SORCS2: variants seen among roughly 807,000 people sequenced by gnomAD.
SORCS2 encodes the protein sortilin related VPS10 domain containing receptor 2, also known as VPS10 domain-containing receptor SorCS2.
Under a neutral mutation model 141.6 loss-of-function variants are expected in SORCS2, and 100 were observed. The observed-to-expected ratio is 0.71, with a 90% CI of 0.60 to 0.83. The LOEUF is 0.83. SORCS2 is among the 40% of genes least tolerant of loss of function. The pLI, the probability that SORCS2 is intolerant of heterozygous loss-of-function variation, is 0.00. For missense variants in SORCS2, 1,646 were observed against 1,560.2 expected (o/e 1.05, Z -0.93); for synonymous variants, 789 against 676.9 (o/e 1.17, Z -2.57).
At chr4:7,538,620 A>T (rs998572738) in intron 3 of SORCS2, among the ~76,000 whole-genome samples, 4 of 144,810 alleles carry the variant, frequency 2.8e-5, no homozygotes, top group Admixed American at 6.7e-5. Flanking sequence ...CATTTTCACC[A>T]AAAAATCTTT....
intron 2 of SORCS2, among the ~76,000 whole-genome samples, chr4:7,443,714 A>G (rs1324125295): frequency 6.6e-6 from 1 of 152,198 alleles, no homozygotes; most frequent in African/African-American, 2.4e-5. Context: ...AGAGTCAGAA[A>G]CCTTCTTTCC....
intron 1 of SORCS2, among the ~76,000 whole-genome samples, chr4:7,215,232 C>T (rs561847008): frequency 2.8e-4 from 43 of 152,250 alleles, no homozygotes; most frequent in African/African-American, 8.9e-4. Context: ...AGCAGCAGGC[C>T]GGCCCTGCTG....
At chr4:7,225,174 C>T (rs1729820797) in intron 1 of SORCS2, among the ~76,000 whole-genome samples, 1 of 152,228 alleles carries the variant, frequency 6.6e-6, no homozygotes, top group Non-Finnish European at 1.5e-5. Flanking sequence ...TGCTGTGCTG[C>T]ACACACATTT....
Position 7,742,028 on chromosome 4 carries a change from C to A in SORCS2, c.*1764C>A. The A allele has an allele frequency of 6.6e-6, 1 of 152,324 alleles. No individual in the cohort carries two copies. The allele number at this position is 152,324 out of a possible 1,614,324, so 9.4% of individuals were successfully genotyped here. A position where few individuals can be genotyped will look rare whatever the true frequency, so the allele number is the denominator to read the frequency against. On this transcript the variant is annotated 3_prime_UTR_variant, in exon 27 of 27. Transcript: ENST00000507866. Reference sequence around the variant, plus strand: ...GGCCACACAGGCGTGGAGGTGTCCCCACCCCTTCCACCTGTCCCCCAGACC... The same window carrying A: ...GGCCACACAGGCGTGGAGGTGTCCCAACCCCTTCCACCTGTCCCCCAGACC...
At chr4:7,578,639 T>C (rs1344814736) in intron 3 of SORCS2, among the ~76,000 whole-genome samples, 1 of 152,024 alleles carries the variant, frequency 6.6e-6, no homozygotes, top group African/African-American at 2.4e-5. Flanking sequence ...CGAGAATGAG[T>C]GTTGAGTGCC....
intron 2 of SORCS2, among the ~76,000 whole-genome samples, chr4:7,437,829 C>T (rs149468682): frequency 2.5e-3 from 383 of 152,260 alleles, no homozygotes; most frequent in Admixed American, 4.8e-3. Flanking sequence ...CCACTTGTTT[C>T]GAGGTTCTCA....
At chr4:7,495,799 T>C (rs534729064) in intron 2 of SORCS2, among the ~76,000 whole-genome samples, 26 of 152,220 alleles carry the variant, frequency 1.7e-4, no homozygotes, top group Non-Finnish European at 3.1e-4. Context: ...TGATTGAGTC[T>C]GAGCTGCGTG....
chr4:7,408,653 T>C (rs1035244226), intron 2 of SORCS2, among the ~76,000 whole-genome samples: 3 of 152,214 alleles, frequency 2.0e-5, no homozygotes, highest in African/African-American at 7.2e-5. Context: ...TTTTCAAGTT[T>C]TGGAAAGTTT....
rs531265256 is a variant in SORCS2, at chr4:7,405,280, G to A, written c.548+8925G>A. Among the ~76,000 whole-genome samples, 7 of 152,170 alleles carry A rather than the reference G, an allele frequency of 4.6e-5. No individual in the cohort carries two copies. In the South Asian group the frequency reaches 8.3e-4, roughly 18 times the overall value. On this transcript the variant is annotated intron_variant, in intron 2 of 26. Transcript: ENST00000507866. ...AGCCTTGTAATATAATTTGAAGTTA[G>A]GTAACGTGGTGCCTCCAGCTTTGTT... is the stretch of plus-strand genomic sequence containing the variant.
At chr4:7,580,659 C>G (rs977790565) in intron 3 of SORCS2, among the ~76,000 whole-genome samples, 2 of 152,146 alleles carry the variant, frequency 1.3e-5, no homozygotes, top group African/African-American at 4.8e-5. Flanking sequence ...TGTTTGGGAG[C>G]TACTATGGGC....
At chr4:7,458,887 G>T (rs1397776276) in intron 2 of SORCS2, among the ~76,000 whole-genome samples, 1 of 152,182 alleles carries the variant, frequency 6.6e-6, no homozygotes, top group Non-Finnish European at 1.5e-5. Flanking sequence ...TGGCCTTTGG[G>T]ACCAGGAGAA....
At chr4:7,356,663 G>A (rs1044359299) in intron 1 of SORCS2, among the ~76,000 whole-genome samples, 1 of 152,200 alleles carries the variant, frequency 6.6e-6, no homozygotes, top group Non-Finnish European at 1.5e-5. Context: ...ATGTGGATTT[G>A]GGTCGGGGGA....
At chr4:7,602,171 A>G (rs550401777) in intron 3 of SORCS2, among the ~76,000 whole-genome samples, 19 of 152,306 alleles carry the variant, frequency 1.2e-4, no homozygotes, top group Middle Eastern at 3.4e-3. Flanking sequence ...CCCGTTCTCA[A>G]TGGGCTGCTG....
rs150440148 is a variant in SORCS2, at chr4:7,531,581, C to T, written c.600C>T (p.Val200=). 1.2e-6 allele frequency: 2 copies of T among 1,613,784 alleles called. No individual in the cohort carries two copies. The highest frequency in any genetic ancestry group is 1.1e-5 in the South Asian group (1 of 91,090). Residue 200 remains valine (V), a synonymous_variant, in exon 3 of 27, where the codon GTC becomes GTT. Coordinates refer to ENST00000507866, the MANE Select transcript of SORCS2 (RefSeq NM_020777.3). ...SYTKLTLQPG[V]TTVIDNFYIC... is the part of the protein sequence containing the mutation. ...CCAAGCTCACCCTCCAGCCTGGTGT[C>T]ACCACCGTCATCGACAATTTCTACA...
At chr4:7,573,941 C>T (rs1471538639) in intron 3 of SORCS2, among the ~76,000 whole-genome samples, 2 of 152,230 alleles carry the variant, frequency 1.3e-5, no homozygotes, top group South Asian at 2.1e-4. Flanking sequence ...TGCTGGCACA[C>T]GCGTCCACTC....
intron 3 of SORCS2, among the ~76,000 whole-genome samples, chr4:7,610,777 A>G (rs151194155): frequency 6.6e-6 from 1 of 152,324 alleles, no homozygotes; most frequent in Non-Finnish European, 1.5e-5. Flanking sequence ...AGTCCAGTGC[A>G]GTCAGCACTA....
At chr4:7,576,851 T>C (rs1265218267) in intron 3 of SORCS2, among the ~76,000 whole-genome samples, 1 of 152,182 alleles carries the variant, frequency 6.6e-6, no homozygotes, top group African/African-American at 2.4e-5. Context: ...CATGAACTCA[T>C]GCGTGCCCCA....
chr4:7,705,228 C>G (rs1293755922), intron 14 of SORCS2, among the ~76,000 whole-genome samples: 2 of 152,082 alleles, frequency 1.3e-5, no homozygotes, highest in African/African-American at 2.4e-5. Flanking sequence ...AGCCCAGGAA[C>G]ACCCAGGGCC....
rs529917405 is a variant in SORCS2 at position 7,662,004 on chromosome 4, A to C, written c.952+440A>C. Among the ~76,000 whole-genome samples the C allele has an allele frequency of 2.4e-4, 37 of 152,228 alleles. No individual in the cohort carries two copies. The East Asian group carries it at 6.8e-3, about 28-fold the overall frequency. On this transcript the variant is annotated intron_variant, in intron 6 of 26. Transcript: ENST00000507866. ...CCCACAGAGACATCCTCTGTGCAGG[A>C]TCACCTGAGCCAGGATGTGTCCCCA...
Sources: allele counts gnomAD v4.1 joint callset (sites outside exome capture counted in the v4.1 genomes callset), GRCh38; gene constraint gnomAD v4.1.1; transcripts MANE v1.5; gene names NCBI Gene and HGNC (gene_info 2026-07-23, HGNC 2026-07-21).